AGO3: variants seen among roughly 807,000 people sequenced by gnomAD.
AGO3 encodes the protein protein argonaute-3.
Under a neutral mutation model 105.5 loss-of-function variants are expected in AGO3, and 16 were observed. The observed-to-expected ratio is 0.15, with a 90% confidence interval of 0.10 to 0.23. The LOEUF is 0.23. Among genes scored for constraint, AGO3 ranks in the 10% least tolerant of loss-of-function variants. The pLI is 1.00. For synonymous variants in AGO3, 340 were observed against 367.3 expected (o/e 0.93, Z 0.85); for missense variants, 534 against 1,088.0 (o/e 0.49, Z 7.16).
chr1:35,944,344 C>G lies in AGO3; in HGVS notation c.20-1348C>G, dbSNP rs544401285. Among the ~76,000 whole-genome samples the G allele has an allele frequency of 2.6e-4, 40 of 152,036 alleles. 1 individual carries two copies. The highest frequency in any genetic ancestry group is 9.4e-4 in the African/African-American group (39 of 41,470). ...GGATTACAGGCACAAGATGCTGTGC[C>G]TGGCTATATAGTACTTTAGTGTATC... is the stretch of plus-strand genomic sequence containing the variant. On this transcript the variant is annotated intron_variant, in intron 1 of 18. Coordinates refer to ENST00000373191, the MANE Select transcript of AGO3 (RefSeq NM_024852.4).
Position 36,067,221 on chromosome 1 carries a change from T to C in AGO3, c.*11476T>C, listed in dbSNP as rs2148874254. 1 of 152,330 alleles carries C rather than the reference T, an allele frequency of 6.6e-6. No homozygotes were observed. The highest frequency in any genetic ancestry group is 1.9e-4 in the East Asian group (1 of 5,190). The allele number at this position is 152,330 out of a possible 1,614,324, so 9.4% of individuals were successfully genotyped here. On this transcript the variant is annotated 3_prime_UTR_variant, in exon 19 of 19. Transcript: ENST00000373191. ...TTTGGTAAAAACACTGGTTAGTTTG[T>C]AATGAAGAAAGAATTTTGGCATAGA...
intron 1 of AGO3, among the ~76,000 whole-genome samples, chr1:35,939,060 A>T (rs1259539237): frequency 1.3e-5 from 2 of 152,160 alleles, no homozygotes; most frequent in African/African-American, 4.8e-5. Flanking sequence ...GAAAGTCCAG[A>T]TAGTGCTTTG....
Position 36,055,834 on chromosome 1 carries a change from A to C in AGO3, c.*89A>C, listed in dbSNP as rs1569968581. The C allele has an allele frequency of 3.1e-6, 4 of 1,291,386 alleles. No individual in the cohort carries two copies. The highest frequency in any genetic ancestry group is 1.5e-5 in the African/African-American group (1 of 68,432). The allele number at this position is 1,291,386 out of a possible 1,614,324, so 80.0% of individuals were successfully genotyped here. A position where few individuals can be genotyped will look rare whatever the true frequency, so the allele number is the denominator to read the frequency against. ...CCAGTGAAGTCAATTGAGTAAGGAC[A>C]CCTCCAGCCATACAGAAACCAACAC... On this transcript the variant is annotated 3_prime_UTR_variant, in exon 19 of 19. Transcript: ENST00000373191. This position sits in a 1 kb window ranked among gnomAD's most constrained non-coding sequence, Gnocchi z 4.4.
rs1471484579 is a variant in AGO3 at position 36,059,918 on chromosome 1, A to G, written c.*4173A>G. On this transcript the variant is annotated 3_prime_UTR_variant, in exon 19 of 19. Coordinates refer to ENST00000373191, the MANE Select transcript of AGO3 (RefSeq NM_024852.4). ...TGACTTTTACAGTTTGAAAAAGGGT[A>G]CCTCAGCCTCTTCAGTACTGGTTTT... 2 of 152,208 alleles carry G rather than the reference A, an allele frequency of 1.3e-5. No individual in the cohort carries two copies. Among genetic ancestry groups the G allele is most frequent in the East Asian group, 3.8e-4 (2 of 5,202 alleles). 9.4% of individuals were successfully genotyped at this position (152,208 alleles called of 1,614,324 possible).
intron 2 of AGO3, among the ~76,000 whole-genome samples, chr1:35,946,182 CT>C (rs1213651584): frequency 6.6e-6 from 1 of 152,146 alleles, no homozygotes; most frequent in Non-Finnish European, 1.5e-5. Flanking sequence ...TCCATGCTTG[CT>C]TTTTTCTCCT....
At chr1:35,992,372 C>CT in intron 5 of AGO3, 1 of 152,316 alleles carries the variant, frequency 6.6e-6, no homozygotes, top group East Asian at 1.9e-4. Flanking sequence ...ATATAGGACT[C>CT]TACCTGCTTC....
At chr1:36,032,849 G>A (rs1048577171) in intron 12 of AGO3, among the ~76,000 whole-genome samples, 2 of 152,130 alleles carry the variant, frequency 1.3e-5, no homozygotes, top group Non-Finnish European at 2.9e-5. Context: ...AATTGGCTGG[G>A]CGTAGTGGCT....
chr1:36,061,734 T>A lies in AGO3; in HGVS notation c.*5989T>A, dbSNP rs1018325933. On this transcript the variant is annotated 3_prime_UTR_variant, in exon 19 of 19. Transcript: ENST00000373191. ...GCGTAGACTCTTGAGTTAAATTTTTTAATCATTTTTTAAAGCAAGGCGGTT... is the reference window on the plus strand; with the variant it reads ...GCGTAGACTCTTGAGTTAAATTTTTAAATCATTTTTTAAAGCAAGGCGGTT... 1.3e-5 allele frequency: 2 copies of A among 152,200 alleles called. No homozygotes were observed. The highest frequency in any genetic ancestry group is 2.9e-5 in the Non-Finnish European group (2 of 68,036). The allele number at this position is 152,200 out of a possible 1,614,324, so 9.4% of individuals were successfully genotyped here. A position where few individuals can be genotyped will look rare whatever the true frequency, so the allele number is the denominator to read the frequency against.
rs906103658 is a variant in AGO3 at position 36,064,870 on chromosome 1, A to C, written c.*9125A>C. ...TAAGAATTTGTTACTACTAATTAAA[A>C]GCAAATTAATGTGGCTGGGCGTGGT... On this transcript the variant is annotated 3_prime_UTR_variant, in exon 19 of 19. Transcript: ENST00000373191. 3.2e-4 allele frequency: 48 copies of C among 152,240 alleles called. No individual in the cohort carries two copies. Among genetic ancestry groups the C allele is most frequent in the African/African-American group, 1.0e-3 (43 of 41,452 alleles). 9.4% of individuals were successfully genotyped at this position (152,240 alleles called of 1,614,324 possible).
At chr1:35,998,690 A>G (rs1045341144) in intron 5 of AGO3, among the ~76,000 whole-genome samples, 3 of 151,844 alleles carry the variant, frequency 2.0e-5, no homozygotes, top group Non-Finnish European at 4.4e-5. Context: ...TTATTGTTTT[A>G]TTTTGATTTG....
chr1:35,982,986 C>A lies in AGO3; in HGVS notation c.658+9475C>A, dbSNP rs1317703673. 7 of 195,706 alleles carry A rather than the reference C, an allele frequency of 3.6e-5. No individual in the cohort carries two copies. The East Asian group carries it at 7.8e-4, about 22-fold the overall frequency. The allele number at this position is 195,706 out of a possible 1,614,324, so 12.1% of individuals were successfully genotyped here. ...GAGTTTATGCAATTGTAGGGGCTAG[C>A]TAGGCAAGTCTGAAATTTTGGGGGC... On this transcript the variant is annotated intron_variant, in intron 5 of 18. Coordinates refer to ENST00000373191, the MANE Select transcript of AGO3 (RefSeq NM_024852.4).
chr1:35,976,845 A>C (rs963529953), intron 5 of AGO3, among the ~76,000 whole-genome samples: 29 of 152,108 alleles, frequency 1.9e-4, no homozygotes, highest in African/African-American at 7.0e-4. Flanking sequence ...TTTTTGTACA[A>C]TCTTTGTCAA....
intron 9 of AGO3, 28 bp downstream of exon 9, chr1:36,009,622 T>C: frequency 1.3e-6 from 2 of 1,598,698 alleles, no homozygotes; most frequent in South Asian, 1.1e-5. Context: ...GAAATGAGAA[T>C]TTAAAACATA....
chr1:35,993,786 C>T (rs1008147681), intron 5 of AGO3, among the ~76,000 whole-genome samples: 1 of 110,678 alleles, frequency 9.0e-6, no homozygotes, highest in Non-Finnish European at 1.7e-5. Context: ...CTTGCTCTGT[C>T]GCCCAGGCTG....
intron 1 of AGO3, among the ~76,000 whole-genome samples, chr1:35,941,924 G>A (rs1646263204): frequency 6.6e-6 from 1 of 152,216 alleles, no homozygotes; most frequent in Admixed American, 6.5e-5. Flanking sequence ...TTTAGAATTT[G>A]TGGATTTTCT....
intron 5 of AGO3, among the ~76,000 whole-genome samples, chr1:35,998,832 G>A (rs998220927): frequency 3.3e-5 from 5 of 151,838 alleles, no homozygotes; most frequent in Non-Finnish European, 5.9e-5. Flanking sequence ...TATAGTTTTT[G>A]TATTGTGCTG....
chr1:36,064,640 A>G lies in AGO3; in HGVS notation c.*8895A>G, dbSNP rs1465062827. The G allele has an allele frequency of 1.3e-5, 2 of 152,170 alleles. No individual in the cohort carries two copies. The highest frequency in any genetic ancestry group is 2.9e-5 in the Non-Finnish European group (2 of 68,028). The allele number at this position is 152,170 out of a possible 1,614,324, so 9.4% of individuals were successfully genotyped here. A position where few individuals can be genotyped will look rare whatever the true frequency, so the allele number is the denominator to read the frequency against. ...AAAGTGTCAGGTAATTATAAATGGG[A>G]AAATTTTATTTTTATATGATGTAAA... On this transcript the variant is annotated 3_prime_UTR_variant, in exon 19 of 19. Coordinates refer to ENST00000373191, the MANE Select transcript of AGO3 (RefSeq NM_024852.4).
chr1:35,982,624 G>A (rs1647074171), intron 5 of AGO3: 2 of 717,542 alleles, frequency 2.8e-6, no homozygotes, highest in South Asian at 1.5e-5. Flanking sequence ...TTTCCAGAAA[G>A]AGACCTCTGG....
chr1:35,997,766 G>A (rs965196266), intron 5 of AGO3, among the ~76,000 whole-genome samples: 1 of 152,018 alleles, frequency 6.6e-6, no homozygotes, highest in Non-Finnish European at 1.5e-5. Flanking sequence ...GCGTGATCTC[G>A]GCTCAATGCA....
Sources: allele counts gnomAD v4.1 joint callset (sites outside exome capture counted in the v4.1 genomes callset), GRCh38; gene constraint gnomAD v4.1.1; non-coding constraint Gnocchi (gnomAD v3.1); transcripts MANE v1.5; gene names NCBI Gene and HGNC (gene_info 2026-07-23, HGNC 2026-07-21).